Variants in DEPTOR observed in about 807,000 individuals in gnomAD.
The protein encoded by DEPTOR is DEP domain-containing mTOR-interacting protein.
DEPTOR carries 41 observed loss-of-function variants against 41.6 expected under a neutral mutation model. The ratio of observed to expected loss-of-function variants is 0.98; its 90% confidence interval spans 0.77 to 1.28. DEPTOR has a LOEUF of 1.28. DEPTOR is among the 50% of genes most tolerant of loss of function. DEPTOR has a pLI of 0.00. For synonymous variants in DEPTOR, 195 were observed against 192.3 expected (o/e 1.01, Z -0.12); for missense variants, 514 against 527.9 (o/e 0.97, Z 0.26).
At chr8:120,046,132 C>A (rs961646008) in intron 8 of DEPTOR, among the ~76,000 whole-genome samples, 1 of 152,128 alleles carries the variant, frequency 6.6e-6, no homozygotes, top group African/African-American at 2.4e-5. Context: ...AGCATCAGGG[C>A]CCTCTTCCCT....
intron 3 of DEPTOR, among the ~76,000 whole-genome samples, chr8:119,961,126 A>G (rs1828484855): frequency 6.6e-6 from 1 of 151,968 alleles, no homozygotes; most frequent in African/African-American, 2.4e-5. Context: ...GGCTGAATAA[A>G]AGAAAAGTGG....
intron 3 of DEPTOR, among the ~76,000 whole-genome samples, chr8:119,962,463 G>C (rs1051924495): frequency 6.6e-6 from 1 of 152,092 alleles, no homozygotes; most frequent in Non-Finnish European, 1.5e-5. Context: ...GTGGGGAGAA[G>C]AGAGGGAGAG....
chr8:119,945,273 G>C (rs1482498136), intron 3 of DEPTOR, among the ~76,000 whole-genome samples: 2 of 152,138 alleles, frequency 1.3e-5, no homozygotes, highest in Non-Finnish European at 2.9e-5. Flanking sequence ...ACTAGTAGAA[G>C]ATATTGATTA....
At chr8:120,043,377 A>AGT (rs1249964251) in intron 8 of DEPTOR, among the ~76,000 whole-genome samples, 1 of 152,220 alleles carries the variant, frequency 6.6e-6, no homozygotes, top group Non-Finnish European at 1.5e-5. Flanking sequence ...GTTTGAAATA[A>AGT]GTATCTAAGT....
At chr8:119,972,085 T>C (rs748674173) in intron 4 of DEPTOR, among the ~76,000 whole-genome samples, 9 of 152,214 alleles carry the variant, frequency 5.9e-5, no homozygotes, top group Non-Finnish European at 1.0e-4. Flanking sequence ...ATGGTAACTC[T>C]TTCCTGCACA....
At position 120,009,171 on chromosome 8, in the gene DEPTOR, C is replaced by A. The variant is rs758084166; in HGVS notation, c.1101+38C>A. The A allele has an allele frequency of 3.2e-6, 5 of 1,566,112 alleles. No homozygotes were observed. In the South Asian group the frequency reaches 5.8e-5, roughly 18 times the overall value. On this transcript the variant is annotated intron_variant, in intron 8 of 8. Coordinates refer to ENST00000286234, the MANE Select transcript of DEPTOR (RefSeq NM_022783.4). ...CTTTCTCACCCTCTTTTATATCTGT[C>A]TTGGGTTCTTCATGCTAAATTGGCC... is the stretch of plus-strand genomic sequence containing the variant.
chr8:119,965,262 G>A lies in DEPTOR; in HGVS notation c.456G>A (p.Gln152=). 1 of 1,614,020 alleles carries A rather than the reference G, an allele frequency of 6.2e-7. No individual in the cohort carries two copies. Among genetic ancestry groups the A allele is most frequent in the South Asian group, 1.1e-5 (1 of 91,052 alleles). The change falls in exon 4 of 9, where the codon CAG becomes CAA. Residue 152 remains glutamine (Q), a synonymous_variant. Coordinates refer to ENST00000286234, the MANE Select transcript of DEPTOR (RefSeq NM_022783.4). ...TGAGCCCTGAAAACACACTCCTGCA[G>A]CCCAGGGAGGAGGAAGGGGTCAAGT... is the stretch of plus-strand genomic sequence containing the variant. ...KLMSPENTLL[Q]PREEEGVKYE...
intron 4 of DEPTOR, among the ~76,000 whole-genome samples, chr8:119,984,596 A>C (rs1019056616): frequency 6.6e-6 from 1 of 152,016 alleles, no homozygotes; most frequent in Non-Finnish European, 1.5e-5. Context: ...AAGGACATGA[A>C]CTCATCCTTT....
intron 1 of DEPTOR, among the ~76,000 whole-genome samples, chr8:119,900,183 G>A (rs1255899602): frequency 6.6e-6 from 1 of 151,588 alleles, no homozygotes; most frequent in Non-Finnish European, 1.5e-5. Flanking sequence ...AGCCAGGCGT[G>A]GTGGCGCACA....
chr8:119,963,394 A>C (rs1348884359), intron 3 of DEPTOR, among the ~76,000 whole-genome samples: 1 of 151,694 alleles, frequency 6.6e-6, no homozygotes, highest in African/African-American at 2.4e-5. Flanking sequence ...TCTGTCACTC[A>C]GGCTGGAGTG....
At chr8:119,959,536 T>A (rs2129951373) in intron 3 of DEPTOR, among the ~76,000 whole-genome samples, 1 of 151,534 alleles carries the variant, frequency 6.6e-6, no homozygotes, top group Middle Eastern at 3.4e-3. Context: ...ATAATCTTTT[T>A]TTTTTTTTGA....
intron 3 of DEPTOR, among the ~76,000 whole-genome samples, chr8:119,931,620 A>T (rs1366340995): frequency 6.6e-6 from 1 of 152,100 alleles, no homozygotes; most frequent in African/African-American, 2.4e-5. Context: ...AGGTGGAATG[A>T]TCACCATTTG....
intron 1 of DEPTOR, among the ~76,000 whole-genome samples, chr8:119,878,836 G>A (rs1330524296): frequency 6.6e-6 from 1 of 151,810 alleles, no homozygotes; most frequent in Admixed American, 6.6e-5. Flanking sequence ...GGGGCCAGGC[G>A]CGGTGGCTTA....
At chr8:119,991,035 TTTC>T (rs749580685) in intron 4 of DEPTOR, among the ~76,000 whole-genome samples, 34,609 of 76,586 alleles carry the variant, frequency 0.45, 5,218 homozygotes, top group Middle Eastern at 0.49. Context: ...TTTTCTTTTC[TTTC>T]TTTCTTTCTT....
intron 1 of DEPTOR, among the ~76,000 whole-genome samples, chr8:119,897,253 G>A (rs13281299): frequency 0.5 from 75,727 of 151,992 alleles, 20,581 homozygotes; most frequent in East Asian, 0.92. Context: ...ACATATTCCA[G>A]GTCGGGAGCG....
At chr8:119,887,927 C>A (rs767191629) in intron 1 of DEPTOR, among the ~76,000 whole-genome samples, 8 of 114,604 alleles carry the variant, frequency 7.0e-5, no homozygotes, top group Non-Finnish European at 1.6e-4. Context: ...CTCAAGTGAG[C>A]CCCCTGCCTC....
chr8:119,958,227 G>T (rs2129947307), intron 3 of DEPTOR, among the ~76,000 whole-genome samples: 1 of 152,302 alleles, frequency 6.6e-6, no homozygotes, highest in Admixed American at 6.5e-5. Context: ...TGGGCTGGAA[G>T]GTCCAGGATG....
At chr8:120,036,878 T>C (rs1812986356) in intron 8 of DEPTOR, among the ~76,000 whole-genome samples, 1 of 152,256 alleles carries the variant, frequency 6.6e-6, no homozygotes, top group South Asian at 2.1e-4. Context: ...ACTGCTCTGT[T>C]TCCTTTAAAA....
At chr8:120,047,116 C>T (rs2130216987) in intron 8 of DEPTOR, among the ~76,000 whole-genome samples, 1 of 152,268 alleles carries the variant, frequency 6.6e-6, no homozygotes, top group South Asian at 2.1e-4. Context: ...CTCTGCCTCC[C>T]AGGTTCAAGC....
Sources: allele counts gnomAD v4.1 joint callset (sites outside exome capture counted in the v4.1 genomes callset), GRCh38; gene constraint gnomAD v4.1.1; transcripts MANE v1.5; gene names NCBI Gene and HGNC (gene_info 2026-07-23, HGNC 2026-07-21).